The following PDE4D variants were observed in gnomAD, a reference collection of about 807,000 sequenced individuals.
PDE4D encodes the protein phosphodiesterase 4D, also known as 3',5'-cyclic-AMP phosphodiesterase 4D.
Under a neutral mutation model 87.4 loss-of-function variants are expected in PDE4D, and 24 were observed. The ratio of observed to expected loss-of-function variants is 0.27; its 90% CI spans 0.20 to 0.39. PDE4D has a LOEUF of 0.39. Among genes scored for constraint, PDE4D ranks in the 10% least tolerant of loss-of-function variants. The pLI, the probability that PDE4D is intolerant of heterozygous loss-of-function variation, is 1.00. For synonymous variants in PDE4D, 384 were observed against 383.2 expected, an observed-to-expected ratio of 1.00 and a Z score of -0.02; for missense variants, 714 against 1,041.0, an observed-to-expected ratio of 0.69 and a Z score of 4.32.
intron 1 of PDE4D, chr5:59,356,926 A>G (rs1781473367): frequency 6.9e-7 from 1 of 1,440,034 alleles, no homozygotes; most frequent in African/African-American, 1.5e-5. Context: ...GAGGCCCCGC[A>G]CGGAGCAGGA....
intron 1 of PDE4D, among the ~76,000 whole-genome samples, chr5:59,257,041 T>C (rs905552051): frequency 2.0e-5 from 3 of 152,062 alleles, no homozygotes; most frequent in African/African-American, 4.8e-5. Flanking sequence ...AATAATAAAG[T>C]GATACATACA....
chr5:59,666,419 C>T (rs745506113), intron 1 of PDE4D, among the ~76,000 whole-genome samples: 3 of 152,054 alleles, frequency 2.0e-5, no homozygotes, highest in Non-Finnish European at 4.4e-5. Flanking sequence ...AACCAACAAA[C>T]AAAAAATCTC....
At position 59,708,997 on chromosome 5, in the gene PDE4D, G is replaced by A. The variant is rs543773011; in HGVS notation, c.455+184171C>T. On this transcript the variant is annotated intron_variant, in intron 1 of 14. Transcript: ENST00000340635. ...GCCAACCCTTATCTGATGTTGAGAA[G>A]CTGTGAATTTGATAGCAGAATCATA... Among the ~76,000 whole-genome samples, 23 of 151,556 alleles carry A rather than the reference G, an allele frequency of 1.5e-4. No homozygotes were observed. In the South Asian group the frequency reaches 4.6e-3, roughly 30 times the overall value.
chr5:60,312,909 A>C (rs73106719), intron 1 of PDE4D, among the ~76,000 whole-genome samples: 13,447 of 152,156 alleles, frequency 0.088, 1,958 homozygotes, highest in African/African-American at 0.31. Context: ...CAGAATCTCT[A>C]TCTTATCAAT....
intron 1 of PDE4D, chr5:59,768,790 C>G (rs1561632089): frequency 6.5e-6 from 4 of 617,792 alleles, no homozygotes; most frequent in Non-Finnish European, 1.0e-5. Flanking sequence ...GCACCGCGCT[C>G]GCACGGCTTT....
chr5:60,102,543 A>G (rs1257325394), intron 2 of PDE4D, among the ~76,000 whole-genome samples: 1 of 152,174 alleles, frequency 6.6e-6, no homozygotes, highest in Non-Finnish European at 1.5e-5. Context: ...TCATTTTAAC[A>G]TGACTGTCAC....
chr5:59,209,511 T>A (rs11747104), intron 2 of PDE4D, among the ~76,000 whole-genome samples: 24,647 of 152,170 alleles, frequency 0.16, 2,246 homozygotes, highest in Admixed American at 0.2. Flanking sequence ...TCTTCAGATA[T>A]GAATAAACAA....
At chr5:59,732,389 G>A (rs1016160221) in intron 1 of PDE4D, among the ~76,000 whole-genome samples, 2 of 103,774 alleles carry the variant, frequency 1.9e-5, no homozygotes, top group African/African-American at 9.5e-5. Flanking sequence ...AATGTCAGGA[G>A]ACATTCACAC....
At chr5:59,321,280 T>C (rs1412260961) in intron 1 of PDE4D, among the ~76,000 whole-genome samples, 1 of 152,094 alleles carries the variant, frequency 6.6e-6, no homozygotes, top group Non-Finnish European at 1.5e-5. Context: ...TCTTGGAACC[T>C]GGCATTGAAC....
chr5:59,699,662 A>C (rs1034007003), intron 1 of PDE4D, among the ~76,000 whole-genome samples: 36 of 152,158 alleles, frequency 2.4e-4, no homozygotes, highest in African/African-American at 8.4e-4. Context: ...GATAGAAATG[A>C]TGATTTGGTG....
intron 1 of PDE4D, among the ~76,000 whole-genome samples, chr5:60,317,733 A>G (rs1413175463): frequency 1.3e-5 from 2 of 152,126 alleles, no homozygotes; most frequent in Non-Finnish European, 2.9e-5. Context: ...TTCTGCCTTC[A>G]TTTCATTATG....
chr5:60,315,304 A>G (rs1755457425), intron 1 of PDE4D, among the ~76,000 whole-genome samples: 1 of 152,146 alleles, frequency 6.6e-6, no homozygotes, highest in African/African-American at 2.4e-5. Flanking sequence ...ATGTCTGTTC[A>G]TATCCTTCGC....
intron 1 of PDE4D, among the ~76,000 whole-genome samples, chr5:59,723,685 C>T (rs1449329309): frequency 6.6e-6 from 1 of 152,066 alleles, no homozygotes; most frequent in Non-Finnish European, 1.5e-5. Context: ...CACCAAAATA[C>T]CCATATGGGT....
At chr5:60,066,958 T>C (rs189335904) in intron 2 of PDE4D, among the ~76,000 whole-genome samples, 1 of 152,268 alleles carries the variant, frequency 6.6e-6, no homozygotes, top group Non-Finnish European at 1.5e-5. Flanking sequence ...GCTCTACTTC[T>C]ACTTCTCTGA....
chr5:59,861,472 CT>C (rs1308752562), intron 1 of PDE4D, among the ~76,000 whole-genome samples: 1 of 152,180 alleles, frequency 6.6e-6, no homozygotes, highest in Non-Finnish European at 1.5e-5. Flanking sequence ...TGAATTTCCC[CT>C]ATTCCCCCCA....
At chr5:59,547,376 A>T (rs754124410) in intron 1 of PDE4D, among the ~76,000 whole-genome samples, 1 of 152,162 alleles carries the variant, frequency 6.6e-6, no homozygotes, top group Non-Finnish European at 1.5e-5. Flanking sequence ...TTTCTAGCAC[A>T]TTCTAAGTCT....
At chr5:60,407,592 G>A (rs1212412432) in intron 1 of PDE4D, among the ~76,000 whole-genome samples, 2 of 150,750 alleles carry the variant, frequency 1.3e-5, no homozygotes, top group Admixed American at 6.6e-5. Context: ...AGCTGGGACT[G>A]CAGGCGCACG....
At chr5:60,105,971 G>A (rs1405017746) in intron 2 of PDE4D, among the ~76,000 whole-genome samples, 2 of 152,138 alleles carry the variant, frequency 1.3e-5, no homozygotes, top group African/African-American at 4.8e-5. Flanking sequence ...ATAACCAGCT[G>A]ACATCATAAT....
chr5:59,707,943 G>A (rs1421347787), intron 1 of PDE4D, among the ~76,000 whole-genome samples: 1 of 152,140 alleles, frequency 6.6e-6, no homozygotes, highest in Non-Finnish European at 1.5e-5. Context: ...CTTTGTAACA[G>A]AATGATTTAT....
Sources: allele counts gnomAD v4.1 joint callset (sites outside exome capture counted in the v4.1 genomes callset), GRCh38; gene constraint gnomAD v4.1.1; transcripts MANE v1.5; gene names NCBI Gene and HGNC (gene_info 2026-07-23, HGNC 2026-07-21).